Variants in LRP1B observed in about 807,000 individuals in gnomAD.
LRP1B encodes low-density lipoprotein receptor-related protein 1B.
A neutral mutation model predicts 556.6 loss-of-function variants in LRP1B; 217 were observed. That is an observed-to-expected ratio of 0.39 (90% CI 0.35 to 0.44). The LOEUF (loss-of-function observed/expected upper bound fraction) is 0.44, where lower values mean the gene tolerates loss of function less well. LRP1B is among the 20% of genes least tolerant of loss of function. The probability of loss-of-function intolerance (pLI) is 1.00; values close to 1 mark genes in which losing one functional copy is unlikely to be tolerated. For synonymous variants in LRP1B, 2,047 were observed against 1,865.8 expected (o/e 1.10, Z -2.50); for missense variants, 5,053 against 5,620.8 (o/e 0.90, Z 3.23).
chr2:141,873,759 T>A (rs1307667003), intron 1 of LRP1B, among the ~76,000 whole-genome samples: 3 of 150,406 alleles, frequency 2.0e-5, no homozygotes, highest in Non-Finnish European at 4.4e-5. Context: ...GGCAAGAAAA[T>A]CAAAGACCTG....
At chr2:141,746,645 GA>G (rs201737852) in intron 2 of LRP1B, among the ~76,000 whole-genome samples, 3 of 147,212 alleles carry the variant, frequency 2.0e-5, no homozygotes, top group East Asian at 4.0e-4. Context: ...TTTCTATGCA[GA>G]AAAAAAAAAC....
intron 7 of LRP1B, among the ~76,000 whole-genome samples, chr2:141,136,350 T>C (rs566759199): frequency 6.6e-6 from 1 of 151,978 alleles, no homozygotes; most frequent in East Asian, 1.9e-4. Flanking sequence ...TTTCATAATA[T>C]GAATTGCAAA....
At chr2:140,260,023 AAAAT>A (rs1376856126) in intron 86 of LRP1B, among the ~76,000 whole-genome samples, 20 of 152,044 alleles carry the variant, frequency 1.3e-4, no homozygotes, top group Admixed American at 4.6e-4. Flanking sequence ...AATCTAAACA[AAAAT>A]AAATAAATAA....
chr2:141,436,239 C>T (rs929813951), intron 3 of LRP1B, among the ~76,000 whole-genome samples: 91 of 152,208 alleles, frequency 6.0e-4, no homozygotes, highest in African/African-American at 2.0e-3. Flanking sequence ...ATATCCATCA[C>T]CATATGTAGT....
At chr2:141,178,275 G>A (rs1179835221) in intron 7 of LRP1B, among the ~76,000 whole-genome samples, 1 of 152,050 alleles carries the variant, frequency 6.6e-6, no homozygotes, top group South Asian at 2.1e-4. Context: ...AAAGACAACG[G>A]GGAATCTCAC....
At chr2:140,414,706 G>A (rs1044432752) in intron 66 of LRP1B, among the ~76,000 whole-genome samples, 15 of 152,126 alleles carry the variant, frequency 9.9e-5, no homozygotes, top group African/African-American at 3.4e-4. Flanking sequence ...AAGGTGAGGA[G>A]GTACGTCACC....
intron 81 of LRP1B, among the ~76,000 whole-genome samples, chr2:140,323,678 C>CATGGCCAAATGCTG (rs1680288188): frequency 6.6e-6 from 1 of 151,864 alleles, no homozygotes; most frequent in African/African-American, 2.4e-5. Context: ...TTCAAGAAAA[C>CATGGCCAAATGCTG]ATGGCCAAAT....
chr2:141,805,050 G>A (rs537390424), intron 2 of LRP1B, among the ~76,000 whole-genome samples: 3 of 151,930 alleles, frequency 2.0e-5, no homozygotes, highest in Non-Finnish European at 4.4e-5. Flanking sequence ...ATATTGTTTT[G>A]GAAAGCAAAA....
chr2:141,612,581 T>C (rs1688142363), intron 2 of LRP1B, among the ~76,000 whole-genome samples: 1 of 152,190 alleles, frequency 6.6e-6, no homozygotes, highest in Admixed American at 6.5e-5. Context: ...CAGAGACACC[T>C]GGACTAATTT....
intron 28 of LRP1B, among the ~76,000 whole-genome samples, 198 bp downstream of exon 28, chr2:140,851,454 T>C (rs992328854): frequency 1.3e-5 from 2 of 152,172 alleles, no homozygotes; most frequent in African/African-American, 4.8e-5. Context: ...ACATATCACA[T>C]ATTTAAAGAA....
intron 29 of LRP1B, among the ~76,000 whole-genome samples, chr2:140,845,238 G>C (rs1242966776): frequency 6.6e-6 from 1 of 152,134 alleles, no homozygotes; most frequent in Non-Finnish European, 1.5e-5. Context: ...AATCCACTGT[G>C]CTAGTAAAGA....
chr2:141,440,254 A>G (rs2105001785), intron 3 of LRP1B, among the ~76,000 whole-genome samples: 1 of 152,286 alleles, frequency 6.6e-6, no homozygotes. Context: ...AGGGACTTAA[A>G]CGTTTTCTTA....
chr2:141,857,015 T>C (rs893492025), intron 1 of LRP1B, among the ~76,000 whole-genome samples: 1 of 152,070 alleles, frequency 6.6e-6, no homozygotes, highest in African/African-American at 2.4e-5. Context: ...AAAATTATTC[T>C]CTACATTCTA....
intron 66 of LRP1B, among the ~76,000 whole-genome samples, chr2:140,387,606 C>T (rs1250953911): frequency 6.6e-6 from 1 of 151,474 alleles, no homozygotes; most frequent in African/African-American, 2.4e-5. Flanking sequence ...GCCTGAATTT[C>T]CCTTCCTCCT....
At chr2:140,289,258 A>G (rs1307855770) in intron 84 of LRP1B, among the ~76,000 whole-genome samples, 1 of 151,940 alleles carries the variant, frequency 6.6e-6, no homozygotes, top group Non-Finnish European at 1.5e-5. Context: ...AATAAAGTCC[A>G]TTTCTGATCT....
chr2:140,905,445 T>C (rs1694222909), intron 22 of LRP1B, among the ~76,000 whole-genome samples: 1 of 152,100 alleles, frequency 6.6e-6, no homozygotes, highest in Non-Finnish European at 1.5e-5. Flanking sequence ...CTGTGCCTTT[T>C]TGAGGTGTAA....
intron 27 of LRP1B, among the ~76,000 whole-genome samples, chr2:140,854,858 A>G (rs1692566561): frequency 6.6e-6 from 1 of 152,208 alleles, no homozygotes; most frequent in African/African-American, 2.4e-5. Context: ...ATCCAGTATG[A>G]TTACAGAGGC....
chr2:141,194,994 A>G (rs1410823635), intron 6 of LRP1B, among the ~76,000 whole-genome samples: 8 of 152,116 alleles, frequency 5.3e-5, no homozygotes, highest in African/African-American at 1.7e-4. Context: ...AGTTGTGATA[A>G]TTTAAAAATA....
intron 15 of LRP1B, among the ~76,000 whole-genome samples, chr2:140,998,504 T>G (rs1467317528): frequency 1.3e-5 from 2 of 152,042 alleles, no homozygotes; most frequent in Non-Finnish European, 2.9e-5. Flanking sequence ...GCTTTACACA[T>G]GCTTCTCAGG....
Sources: gnomAD v4.1 joint callset for allele counts (sites outside exome capture counted in the v4.1 genomes callset) on GRCh38, gnomAD v4.1.1 for gene constraint, MANE v1.5 for transcripts, NCBI Gene and HGNC (gene_info 2026-07-23, HGNC 2026-07-21) for gene names.